The following PDZD2 variants were observed in gnomAD, a reference collection of about 807,000 sequenced individuals.
PDZD2 encodes the protein PDZ domain containing 2.
Under a neutral mutation model 220.7 loss-of-function variants are expected in PDZD2, and 90 were observed. The observed-to-expected ratio is 0.41, with a 90% CI of 0.34 to 0.49. The LOEUF (loss-of-function observed/expected upper bound fraction) is 0.49, where lower values mean the gene tolerates loss of function less well. PDZD2 is among the 20% of genes least tolerant of loss of function. PDZD2 has a pLI of 0.28. For synonymous variants in PDZD2, 1,375 were observed against 1,450.5 expected, an observed-to-expected ratio of 0.95 and a Z score of 1.18; for missense variants, 3,174 against 3,608.5, an observed-to-expected ratio of 0.88 and a Z score of 3.08.
At chr5:32,026,381 G>T (rs560021097) in intron 6 of PDZD2, among the ~76,000 whole-genome samples, 2 of 151,920 alleles carry the variant, frequency 1.3e-5, no homozygotes, top group African/African-American at 2.4e-5. Flanking sequence ...AAAGCAATCC[G>T]CCCGCCTCCG....
At chr5:31,940,556 G>C (rs568111855) in intron 2 of PDZD2, among the ~76,000 whole-genome samples, 1 of 152,216 alleles carries the variant, frequency 6.6e-6, no homozygotes, top group African/African-American at 2.4e-5. Flanking sequence ...GAGACCAAAA[G>C]TGACTCATTG....
intron 2 of PDZD2, among the ~76,000 whole-genome samples, chr5:31,874,277 G>A (rs960532418): frequency 3.3e-5 from 5 of 152,054 alleles, no homozygotes; most frequent in African/African-American, 1.2e-4. Flanking sequence ...AACAACTTGG[G>A]CACTATAGCC....
intron 1 of PDZD2, among the ~76,000 whole-genome samples, chr5:31,704,900 C>T (rs917087506): frequency 1.3e-5 from 2 of 152,174 alleles, no homozygotes; most frequent in African/African-American, 2.4e-5. Flanking sequence ...GTGGCTCACG[C>T]TTATAATCCC....
intron 1 of PDZD2, among the ~76,000 whole-genome samples, chr5:31,658,661 C>A (rs1478389557): frequency 2.6e-5 from 4 of 151,810 alleles, no homozygotes; most frequent in African/African-American, 9.7e-5. Flanking sequence ...ACTCTGTCGC[C>A]CAGGCTGGAG....
chr5:31,728,544 G>A (rs1749314838), intron 1 of PDZD2, among the ~76,000 whole-genome samples: 1 of 152,132 alleles, frequency 6.6e-6, no homozygotes, highest in South Asian at 2.1e-4. Context: ...AATGGTGGTG[G>A]GGCAAAGATG....
intron 1 of PDZD2, among the ~76,000 whole-genome samples, chr5:31,754,053 A>T (rs923993544): frequency 1.4e-4 from 21 of 152,346 alleles, no homozygotes; most frequent in African/African-American, 5.1e-4. Flanking sequence ...TGAACTCTGT[A>T]TCACAGGCTT....
chr5:31,864,518 G>T (rs1156739644), intron 2 of PDZD2, among the ~76,000 whole-genome samples: 3 of 151,768 alleles, frequency 2.0e-5, no homozygotes, highest in Non-Finnish European at 4.4e-5. Context: ...AATTTGAATT[G>T]CATCCTTTTT....
intron 6 of PDZD2, among the ~76,000 whole-genome samples, chr5:32,019,705 A>G (rs1371781227): frequency 6.6e-6 from 1 of 152,226 alleles, no homozygotes; most frequent in Non-Finnish European, 1.5e-5. Flanking sequence ...TTAGTATGCA[A>G]TCAACTTTAT....
chr5:31,656,620 C>T (rs74727993), intron 1 of PDZD2, among the ~76,000 whole-genome samples: 1,814 of 152,262 alleles, frequency 0.012, 34 homozygotes, highest in African/African-American at 0.041. Flanking sequence ...TCTGGTTTAT[C>T]GCTGATCTGT....
chr5:31,923,697 A>G (rs1421639001), intron 2 of PDZD2, among the ~76,000 whole-genome samples: 1 of 152,198 alleles, frequency 6.6e-6, no homozygotes, highest in African/African-American at 2.4e-5. Context: ...CTAACTTATG[A>G]TAGAATGTAT....
chr5:32,085,666 C>T (rs1442906582), intron 19 of PDZD2, among the ~76,000 whole-genome samples: 4 of 148,712 alleles, frequency 2.7e-5, no homozygotes, highest in Non-Finnish European at 5.9e-5. Context: ...AGGCTGGTCT[C>T]GAACTCTTGA....
Position 32,109,714 on chromosome 5 carries a change from G to GAGAT in PDZD2, c.*1581_*1584dup, listed in dbSNP as rs1249306943. On this transcript the variant is annotated 3_prime_UTR_variant, in exon 25 of 25. Coordinates refer to ENST00000438447, the MANE Select transcript of PDZD2 (RefSeq NM_178140.4). ...TGCATGACACTAAGATTTTATGTTG[G>GAGAT]AGATACTTCTTTAAATAACCTACAG... The GAGAT allele has an allele frequency of 6.6e-6, 1 of 152,240 alleles. No homozygotes were observed. The allele number at this position is 152,240 out of a possible 1,614,324, so 9.4% of individuals were successfully genotyped here.
intron 6 of PDZD2, among the ~76,000 whole-genome samples, chr5:32,022,094 C>G (rs1305664281): frequency 6.6e-6 from 1 of 151,636 alleles, no homozygotes; most frequent in East Asian, 1.9e-4. Context: ...CAGACCCAGT[C>G]TTGTTTCTTC....
intron 1 of PDZD2, among the ~76,000 whole-genome samples, chr5:31,654,858 C>T (rs1745487564): frequency 6.6e-6 from 1 of 152,152 alleles, no homozygotes; most frequent in Non-Finnish European, 1.5e-5. Context: ...CAAACCTTCC[C>T]AGGAGCTTCC....
At chr5:31,827,154 T>A (rs1012206448) in intron 2 of PDZD2, among the ~76,000 whole-genome samples, 6 of 152,198 alleles carry the variant, frequency 3.9e-5, no homozygotes. Flanking sequence ...GAACCGGGAA[T>A]CAGAAAATCT....
intron 1 of PDZD2, among the ~76,000 whole-genome samples, chr5:31,780,282 G>A (rs1479383077): frequency 6.8e-6 from 1 of 147,996 alleles, no homozygotes; most frequent in Non-Finnish European, 1.5e-5. Flanking sequence ...TCTATCCATG[G>A]GCTGTGGGAT....
At chr5:31,813,888 C>T (rs756359550) in intron 2 of PDZD2, among the ~76,000 whole-genome samples, 1 of 152,140 alleles carries the variant, frequency 6.6e-6, no homozygotes, top group Non-Finnish European at 1.5e-5. Context: ...TTGATTCTGG[C>T]CAGGCACGGT....
At position 32,001,475 on chromosome 5, in the gene PDZD2, G is replaced by T. The variant is rs115053362; in HGVS notation, c.1254+1204G>T. On this transcript the variant is annotated intron_variant, in intron 5 of 24. Transcript: ENST00000438447. ...GAGCTTCCGTGGCCACTACCGTCTTGCAGAGGCCATGATGCCATCAGCAGC... is the reference window on the plus strand; with the variant it reads ...GAGCTTCCGTGGCCACTACCGTCTTTCAGAGGCCATGATGCCATCAGCAGC... Among the ~76,000 whole-genome samples, 225 of 152,320 alleles carry T rather than the reference G, an allele frequency of 1.5e-3. 1 individual carries two copies. The highest frequency in any genetic ancestry group is 5.3e-3 in the African/African-American group (219 of 41,576).
At chr5:31,857,255 T>G (rs1228861075) in intron 2 of PDZD2, among the ~76,000 whole-genome samples, 2 of 152,196 alleles carry the variant, frequency 1.3e-5, no homozygotes, top group African/African-American at 4.8e-5. Context: ...TCATGAGAAC[T>G]CTGTCCTCCT....
Sources: gnomAD v4.1 joint callset for allele counts (sites outside exome capture counted in the v4.1 genomes callset) on GRCh38, gnomAD v4.1.1 for gene constraint, MANE v1.5 for transcripts, NCBI Gene and HGNC (gene_info 2026-07-23, HGNC 2026-07-21) for gene names.